The following GLI3 variants were observed in gnomAD, a reference collection of about 807,000 sequenced individuals.
GLI3 encodes the protein transcription activator GLI3.
A neutral mutation model predicts 100.8 loss-of-function variants in GLI3; 20 were observed. The ratio of observed to expected loss-of-function variants is 0.20; its 90% confidence interval spans 0.14 to 0.29. The LOEUF (loss-of-function observed/expected upper bound fraction) is 0.29, where lower values mean the gene tolerates loss of function less well. GLI3 is among the 10% of genes least tolerant of loss of function. The pLI is 1.00. For missense variants in GLI3, 2,040 were observed against 2,128.5 expected, an observed-to-expected ratio of 0.96 and a Z score of 0.82; for synonymous variants, 938 against 860.5, an observed-to-expected ratio of 1.09 and a Z score of -1.58.
At chr7:41,977,514 C>CT (rs1787543277) in intron 12 of GLI3, 44 bp downstream of exon 12, 1 of 1,601,522 alleles carries the variant, frequency 6.2e-7, no homozygotes, top group Non-Finnish European at 8.5e-7. Flanking sequence ...CGGGATAGTT[C>CT]TTTGTTTCCT....
At chr7:42,209,386 C>T (rs1788218472) in intron 2 of GLI3, among the ~76,000 whole-genome samples, 1 of 152,190 alleles carries the variant, frequency 6.6e-6, no homozygotes, top group Non-Finnish European at 1.5e-5. Context: ...TGTGATAGTA[C>T]ATTTTGGCCT....
intron 3 of GLI3, among the ~76,000 whole-genome samples, chr7:42,141,918 A>G (rs776991955): frequency 1.1e-4 from 17 of 152,258 alleles, no homozygotes; most frequent in Non-Finnish European, 1.9e-4. Flanking sequence ...TGTGATAAGC[A>G]TCTGAGCAGC....
intron 1 of GLI3, chr7:42,227,686 T>C (rs1399539776): frequency 6.6e-6 from 1 of 152,156 alleles, no homozygotes; most frequent in East Asian, 1.9e-4. Context: ...CATTTGAAAG[T>C]AAGCAAGAGA....
chr7:42,233,099 AT>A (rs1788726507), intron 1 of GLI3, among the ~76,000 whole-genome samples: 1 of 152,232 alleles, frequency 6.6e-6, no homozygotes, highest in Non-Finnish European at 1.5e-5. Context: ...TTAACATTCA[AT>A]TTCTTTCAAA....
At chr7:41,968,728 GAAAGAAAGA>G (rs767741661) in intron 13 of GLI3, among the ~76,000 whole-genome samples, 1,735 of 105,030 alleles carry the variant, frequency 0.017, 17 homozygotes, top group Middle Eastern at 0.032. Flanking sequence ...AAGAAAGAAA[GAAAGAAAGA>G]AAGAAAGAAA....
chr7:42,028,627 G>A (rs146036899), intron 7 of GLI3, among the ~76,000 whole-genome samples: 1,669 of 152,136 alleles, frequency 0.011, 33 homozygotes, highest in African/African-American at 0.037. Flanking sequence ...AGCCAGGCGT[G>A]ATGGCATGCA....
chr7:42,144,312 A>G (rs1334168924), intron 3 of GLI3, among the ~76,000 whole-genome samples: 1 of 152,084 alleles, frequency 6.6e-6, no homozygotes, highest in Non-Finnish European at 1.5e-5. Flanking sequence ...TCTAACCCCT[A>G]CCACGCTCCC....
intron 3 of GLI3, among the ~76,000 whole-genome samples, chr7:42,080,755 A>T (rs1175113064): frequency 1.3e-5 from 2 of 152,182 alleles, no homozygotes; most frequent in Non-Finnish European, 2.9e-5. Flanking sequence ...TGAATCCTCA[A>T]ACGTTGAGTA....
chr7:42,016,048 C>G (rs1195250623), intron 10 of GLI3, among the ~76,000 whole-genome samples: 2 of 152,070 alleles, frequency 1.3e-5, no homozygotes, highest in East Asian at 3.9e-4. Context: ...CAGCCTCCCA[C>G]TATAAAGAAC....
At chr7:42,263,693 C>G (rs1294974932) in intron 1 of GLI3, among the ~76,000 whole-genome samples, 1 of 152,132 alleles carries the variant, frequency 6.6e-6, no homozygotes, top group African/African-American at 2.4e-5. Flanking sequence ...AGTGATCTGC[C>G]TGCCTTGGTC....
chr7:42,220,410 G>A (rs189403440), intron 2 of GLI3, among the ~76,000 whole-genome samples: 2 of 152,262 alleles, frequency 1.3e-5, no homozygotes, highest in East Asian at 3.9e-4. Context: ...GGGCCATGGC[G>A]ATGTCAACCA....
intron 11 of GLI3, 127 bp from the exon 12 acceptor site, chr7:41,977,849 A>G: frequency 6.0e-6 from 5 of 828,320 alleles, no homozygotes; most frequent in South Asian, 5.5e-5. Flanking sequence ...CCCAGGAACA[A>G]AAAGTCCACT....
intron 1 of GLI3, among the ~76,000 whole-genome samples, chr7:42,261,200 A>ACACACACACAAAC (rs1789135592): frequency 6.8e-6 from 1 of 147,334 alleles, no homozygotes; most frequent in Non-Finnish European, 1.5e-5. Context: ...CACACACACA[A>ACACACACACAAAC]ACACACACAC....
chr7:42,001,236 C>CAT (rs553484277), intron 10 of GLI3, among the ~76,000 whole-genome samples: 4 of 85,718 alleles, frequency 4.7e-5, no homozygotes, highest in African/African-American at 1.7e-4. Flanking sequence ...GACTATGTCT[C>CAT]AAAAAAAAAA....
intron 10 of GLI3, among the ~76,000 whole-genome samples, chr7:42,019,484 G>T (rs1562688240): frequency 6.6e-6 from 1 of 152,132 alleles, no homozygotes; most frequent in Non-Finnish European, 1.5e-5. Flanking sequence ...GGAAGAAGTT[G>T]GGCTGAGCTG....
At chr7:41,968,713 G>GAAAGAAGAAAGA (rs1554305425) in intron 13 of GLI3, among the ~76,000 whole-genome samples, 1 of 93,896 alleles carries the variant, frequency 1.1e-5, no homozygotes, top group Non-Finnish European at 2.1e-5. Flanking sequence ...AAGAAAGAAA[G>GAAAGAAGAAAGA]AAGAAAGAAA....
At chr7:42,033,808 T>G (rs1194447901) in intron 7 of GLI3, among the ~76,000 whole-genome samples, 1 of 152,190 alleles carries the variant, frequency 6.6e-6, no homozygotes, top group Non-Finnish European at 1.5e-5. Context: ...GTGCTTCTAT[T>G]TGAGAGGGAA....
intron 11 of GLI3, 143 bp downstream of exon 11, chr7:41,978,456 A>AG: frequency 1.2e-6 from 1 of 808,312 alleles, no homozygotes; most frequent in Admixed American, 1.8e-5. Context: ...TCAAACACCG[A>AG]GGCATTTATC....
rs138618219 is a variant in GLI3, at chr7:41,965,368, G to A, written c.3705C>T (p.Pro1235=). Residue 1235 remains proline (P), a synonymous_variant, in exon 15 of 15, where the codon CCC becomes CCT. Coordinates refer to ENST00000395925, the MANE Select transcript of GLI3 (RefSeq NM_000168.6). ...AGGCGTTTCCACTGGTGCCACTTCC[G>A]GGGCTGTTGTGGAGCATCAAGTGCT... ...GPEHLMLHNS[P]GSGTSGNAFH... is the part of the protein sequence containing the mutation. 13 of 1,613,120 alleles carry A rather than the reference G, an allele frequency of 8.1e-6. No homozygotes were observed. Among genetic ancestry groups the A allele is most frequent in the Non-Finnish European group, 1.1e-5 (13 of 1,179,680 alleles).
Sources: allele counts gnomAD v4.1 joint callset (sites outside exome capture counted in the v4.1 genomes callset), GRCh38; gene constraint gnomAD v4.1.1; transcripts MANE v1.5; gene names NCBI Gene and HGNC (gene_info 2026-07-23, HGNC 2026-07-21).